The following CTDSPL variants were observed in gnomAD, a reference collection of about 807,000 sequenced individuals.
The protein encoded by CTDSPL is CTD small phosphatase-like protein.
CTDSPL carries 8 observed loss-of-function variants against 30.5 expected under a neutral mutation model. That is an observed-to-expected ratio of 0.26 (90% CI 0.15 to 0.47). The LOEUF is 0.47. Ranked by LOEUF, CTDSPL falls within the 20% of genes least tolerant of loss-of-function variation. CTDSPL has a pLI of 0.99. For synonymous variants in CTDSPL, 110 were observed against 137.9 expected (o/e 0.80, Z 1.42); for missense variants, 248 against 366.1 (o/e 0.68, Z 2.63).
intron 2 of CTDSPL, among the ~76,000 whole-genome samples, chr3:37,955,900 C>T (rs1699167750): frequency 6.6e-6 from 1 of 152,142 alleles, no homozygotes; most frequent in African/African-American, 2.4e-5. Context: ...CAGTGACCTA[C>T]TCTTGAGTCC....
chr3:37,943,762 G>C (rs893093898), intron 1 of CTDSPL, among the ~76,000 whole-genome samples: 1 of 150,286 alleles, frequency 6.7e-6, no homozygotes, highest in Non-Finnish European at 1.5e-5. Flanking sequence ...GTAAAGTCTT[G>C]GTCAAAGCAG....
At chr3:37,889,125 C>T (rs1305342096) in intron 1 of CTDSPL, among the ~76,000 whole-genome samples, 1 of 152,166 alleles carries the variant, frequency 6.6e-6, no homozygotes, top group Non-Finnish European at 1.5e-5. Flanking sequence ...AGAATGTTAG[C>T]TTGATGGCTG....
At chr3:37,948,296 T>A (rs1008147654) in intron 2 of CTDSPL, among the ~76,000 whole-genome samples, 6 of 151,660 alleles carry the variant, frequency 4.0e-5, no homozygotes, top group Non-Finnish European at 7.4e-5. Context: ...AAAAAAAAAA[T>A]ATATGTATAT....
intron 5 of CTDSPL, chr3:37,969,308 T>A (rs556519979): frequency 4.7e-5 from 22 of 467,992 alleles, no homozygotes. Flanking sequence ...TGTGCTGTGA[T>A]ATCACAAGGT....
chr3:37,945,068 A>G lies in CTDSPL; in HGVS notation c.80-1989A>G, dbSNP rs111992770. On this transcript the variant is annotated intron_variant, in intron 1 of 7. Coordinates refer to ENST00000273179, the MANE Select transcript of CTDSPL (RefSeq NM_001008392.2). ...GGAAGGTGCTTTCTGCAGACTGCTCAGTGTCTCTGAGACATGAACAAATAG... is the reference window on the plus strand; with the variant it reads ...GGAAGGTGCTTTCTGCAGACTGCTCGGTGTCTCTGAGACATGAACAAATAG... Among the ~76,000 whole-genome samples the G allele has an allele frequency of 1.7e-4, 26 of 150,450 alleles. 2 individuals are homozygous for G. In the Admixed American group the frequency reaches 1.7e-3, roughly 10 times the overall value.
At chr3:37,928,708 A>G (rs1188789773) in intron 1 of CTDSPL, among the ~76,000 whole-genome samples, 1 of 152,110 alleles carries the variant, frequency 6.6e-6, no homozygotes, top group Non-Finnish European at 1.5e-5. Context: ...TATTGTTTGC[A>G]TATACTTTCT....
intron 1 of CTDSPL, among the ~76,000 whole-genome samples, chr3:37,869,672 A>G (rs551741144): frequency 6.6e-6 from 1 of 152,262 alleles, no homozygotes; most frequent in East Asian, 1.9e-4. Flanking sequence ...GAGAATGGAC[A>G]TCCTTGTCTT....
chr3:37,976,748 G>T (rs909922720), intron 7 of CTDSPL, among the ~76,000 whole-genome samples: 8 of 151,970 alleles, frequency 5.3e-5, no homozygotes, highest in African/African-American at 1.9e-4. Context: ...CATTCATAAA[G>T]CTCCCTGGAC....
At chr3:37,942,957 C>G (rs9875265) in intron 1 of CTDSPL, among the ~76,000 whole-genome samples, 3,705 of 150,244 alleles carry the variant, frequency 0.025, 203 homozygotes, top group African/African-American at 0.084. Context: ...AGAGACAAGT[C>G]AAAAAGCAAC....
chr3:37,960,598 G>A lies in CTDSPL; in HGVS notation c.267+3455G>A, dbSNP rs183106824. On this transcript the variant is annotated intron_variant, in intron 3 of 7. Transcript: ENST00000273179. Reference sequence around the variant, plus strand: ...CACACAATTAGCTGGGTGTGGTGGTGCATGCCTTTAATCCCAGCTAACTCG... The same window carrying A: ...CACACAATTAGCTGGGTGTGGTGGTACATGCCTTTAATCCCAGCTAACTCG... Among the ~76,000 whole-genome samples the A allele has an allele frequency of 9.5e-4, 111 of 117,058 alleles. 2 individuals carry two copies. In the East Asian group the frequency reaches 0.027, roughly 28 times the overall value. 76.8% of individuals were successfully genotyped at this position (117,058 alleles called of 152,430 possible).
chr3:37,919,091 C>T (rs1476689338), intron 1 of CTDSPL, among the ~76,000 whole-genome samples: 3 of 152,128 alleles, frequency 2.0e-5, no homozygotes, highest in East Asian at 1.9e-4. Flanking sequence ...GACCCCTAGT[C>T]GCTACCAGGG....
intron 1 of CTDSPL, among the ~76,000 whole-genome samples, chr3:37,914,856 T>TA (rs1698625806): frequency 6.7e-6 from 1 of 148,652 alleles, no homozygotes; most frequent in African/African-American, 2.5e-5. Flanking sequence ...GAAGAGTTTA[T>TA]ATAAGATATA....
intron 1 of CTDSPL, chr3:37,911,866 C>A: frequency 2.8e-6 from 1 of 350,986 alleles, no homozygotes; most frequent in South Asian, 2.1e-5. Flanking sequence ...TGAGACCAAC[C>A]TGGGCAACAT....
intron 1 of CTDSPL, among the ~76,000 whole-genome samples, chr3:37,921,232 C>T (rs1158142197): frequency 6.6e-6 from 1 of 152,228 alleles, no homozygotes; most frequent in Admixed American, 6.5e-5. Flanking sequence ...GGCTAAATGA[C>T]TTGCCAGAGG....
At chr3:37,899,624 G>A (rs1330974904) in intron 1 of CTDSPL, among the ~76,000 whole-genome samples, 1 of 152,188 alleles carries the variant, frequency 6.6e-6, no homozygotes, top group Non-Finnish European at 1.5e-5. Flanking sequence ...TCAAACTGAA[G>A]GCATGAGGAT....
At chr3:37,969,633 C>T (rs760255264) in intron 5 of CTDSPL, among the ~76,000 whole-genome samples, 19 of 152,346 alleles carry the variant, frequency 1.2e-4, no homozygotes, top group East Asian at 1.2e-3. Context: ...AGGCCACACC[C>T]GTTTGCTGGC....
intron 3 of CTDSPL, among the ~76,000 whole-genome samples, chr3:37,958,722 C>T (rs886492346): frequency 6.6e-6 from 1 of 152,216 alleles, no homozygotes; most frequent in Non-Finnish European, 1.5e-5. Flanking sequence ...AAACTGCTGA[C>T]TGTGTCCTAC....
chr3:37,960,118 G>C (rs1034116654), intron 3 of CTDSPL, among the ~76,000 whole-genome samples: 1 of 152,084 alleles, frequency 6.6e-6, no homozygotes, highest in Non-Finnish European at 1.5e-5. Flanking sequence ...GGCCGAGGTG[G>C]GCGGATCACC....
intron 4 of CTDSPL, 86 bp from the exon 5 acceptor site, chr3:37,967,740 G>T: frequency 1.1e-6 from 1 of 910,074 alleles, no homozygotes; most frequent in Non-Finnish European, 1.7e-6. Context: ...CCAAAACATT[G>T]GTCTAGGCAG....
Sources: allele counts gnomAD v4.1 joint callset (sites outside exome capture counted in the v4.1 genomes callset), GRCh38; gene constraint gnomAD v4.1.1; transcripts MANE v1.5; gene names NCBI Gene and HGNC (gene_info 2026-07-23, HGNC 2026-07-21).